The following PSG5 variants were observed in gnomAD, a reference collection of about 807,000 sequenced individuals.
The protein encoded by PSG5 is pregnancy-specific beta-1-glycoprotein 5.
PSG5 carries 53 observed loss-of-function variants against 37.7 expected under a neutral mutation model. The observed-to-expected ratio is 1.41, with a 90% CI of 1.13 to 1.77. The LOEUF (loss-of-function observed/expected upper bound fraction) is 1.77. Ranked by LOEUF, PSG5 falls within the 40% of genes most tolerant of loss-of-function variation. PSG5 has a pLI of 0.00. For missense variants in PSG5, 547 were observed against 405.2 expected (o/e 1.35, Z -3.00); for synonymous variants, 221 against 155.4 (o/e 1.42, Z -3.14).
intron 2 of PSG5, chr19:43,178,775 T>G (rs1969064829): frequency 1.2e-6 from 2 of 1,607,180 alleles, no homozygotes; most frequent in African/African-American, 2.7e-5. Context: ...TGTCCAGGGG[T>G]AAAGGTCTCT....
intron 2 of PSG5, among the ~76,000 whole-genome samples, chr19:43,179,956 T>C (rs1201167876): frequency 6.6e-6 from 1 of 151,740 alleles, no homozygotes; most frequent in Non-Finnish European, 1.5e-5. Flanking sequence ...GAAATACATG[T>C]GGATGTTTGC....
At chr19:43,184,075 T>A (rs1314448759) in intron 2 of PSG5, among the ~76,000 whole-genome samples, 1 of 151,748 alleles carries the variant, frequency 6.6e-6, no homozygotes, top group East Asian at 1.9e-4. Context: ...CAGGTACATC[T>A]TCTCCCTTCT....
chr19:43,179,360 T>A (rs527465794), intron 2 of PSG5, among the ~76,000 whole-genome samples: 1 of 151,536 alleles, frequency 6.6e-6, no homozygotes, highest in Non-Finnish European at 1.5e-5. Context: ...GTGGGAGAAG[T>A]ACAGGCTTTC....
intron 2 of PSG5, among the ~76,000 whole-genome samples, chr19:43,180,035 T>C (rs1969095043): frequency 6.6e-6 from 1 of 151,714 alleles, no homozygotes; most frequent in South Asian, 2.1e-4. Flanking sequence ...TCATGGACCA[T>C]ATGTGTTTGG....
In PSG5 at chr19:43,175,592, C is replaced by G. The variant is rs969987755; in HGVS notation, c.710-123G>C. The G allele has an allele frequency of 2.1e-5, 30 of 1,455,260 alleles. 4 individuals carry two copies. In the African/African-American group the frequency reaches 4.3e-4, roughly 21 times the overall value. 90.1% of individuals were successfully genotyped at this position (1,455,260 alleles called of 1,614,324 possible). On this transcript the variant is annotated intron_variant, in intron 3 of 5. Coordinates refer to ENST00000342951, the MANE Select transcript of PSG5 (RefSeq NM_002781.4). Reference sequence around the variant, plus strand: ...CACCCTCAAGTCCCAGCCGAACCCCCACTATATTCACTGAGCCAAAGCCTG... The same window carrying G: ...CACCCTCAAGTCCCAGCCGAACCCCGACTATATTCACTGAGCCAAAGCCTG...
intron 2 of PSG5, 21 bp downstream of exon 2, chr19:43,184,761 G>C (rs763920367): frequency 6.2e-7 from 1 of 1,611,768 alleles, no homozygotes; most frequent in East Asian, 2.2e-5. Context: ...CAACACCCAG[G>C]GATCATGTGG....
intron 2 of PSG5, chr19:43,183,175 GC>G (rs199639950): frequency 0.071 from 18,988 of 266,542 alleles, 1,014 homozygotes; most frequent in African/African-American, 0.1. Flanking sequence ...GGGACCAGCT[GC>G]CCCCAGTTCC....
At chr19:43,181,230 C>T (rs1388921721) in intron 2 of PSG5, among the ~76,000 whole-genome samples, 1 of 151,646 alleles carries the variant, frequency 6.6e-6, no homozygotes, top group Non-Finnish European at 1.5e-5. Flanking sequence ...TTACGTGTAT[C>T]TGACAGCCTT....
At position 43,186,503 on chromosome 19, in the gene PSG5, T is replaced by C. The variant is rs567440401; in HGVS notation, c.-98A>G. ...GGCTGTGCTGTCCTTCCTCCTTCTG[T>C]GCTGAGCCTCTCTCCAGGGCAGGAG... On this transcript the variant is annotated 5_prime_UTR_variant, in exon 1 of 6. Transcript: ENST00000342951. 53 of 1,562,494 alleles carry C rather than the reference T, an allele frequency of 3.4e-5. No individual in the cohort carries two copies. The highest frequency in any genetic ancestry group is 4.7e-5 in the South Asian group (4 of 84,892).
intron 2 of PSG5, chr19:43,179,301 G>T: frequency 1.6e-6 from 2 of 1,216,302 alleles, no homozygotes; most frequent in South Asian, 1.5e-5. Flanking sequence ...TTACAAGACA[G>T]ATGCATGGCA....
intron 4 of PSG5, chr19:43,171,022 G>T (rs1029879582): frequency 6.6e-6 from 1 of 151,256 alleles, no homozygotes; most frequent in Non-Finnish European, 1.5e-5. Context: ...ACTGTTGAGG[G>T]GCATTTCCTA....
chr19:43,179,455 C>T (rs866070071), intron 2 of PSG5, among the ~76,000 whole-genome samples: 4 of 151,662 alleles, frequency 2.6e-5, no homozygotes, highest in African/African-American at 7.3e-5. Context: ...TGAGTTCCTC[C>T]GACTAAAACT....
Position 43,182,265 on chromosome 19 carries a change from T to C in PSG5, c.430+2517A>G, listed in dbSNP as rs925865557. 2.6e-5 allele frequency among the ~76,000 whole-genome samples: 4 copies of C among 151,802 alleles called. 1 individual carries two copies. The highest frequency in any genetic ancestry group is 9.7e-5 in the African/African-American group (4 of 41,232). ...GAGGGAACTGAATTCTGCTAAAATG[T>C]TGGCACAGTTTCTATAATTCCTGAC... On this transcript the variant is annotated intron_variant, in intron 2 of 5. Transcript: ENST00000342951.
rs56753814 is a variant in PSG5, at chr19:43,176,502, G to T, written c.431-354C>A. On this transcript the variant is annotated intron_variant, in intron 2 of 5. Transcript: ENST00000342951. The stretch of plus-strand genomic sequence containing the variant: ...GGTTCCTTACCTGGAATGTGCAACT[G>T]CTGGGCCCCTTCCAAATTCCATCCT... Among the ~76,000 whole-genome samples the T allele has an allele frequency of 5.0e-4, 76 of 151,666 alleles. 1 individual carries two copies. The highest frequency in any genetic ancestry group is 1.7e-3 in the African/African-American group (71 of 41,206).
rs111533954 is a variant in PSG5 at position 43,184,662 on chromosome 19, G to A, written c.430+120C>T. Reference sequence around the variant, plus strand: ...GTGTCCTGCACTAAATGCCCAAACCGCAGCATGGGACATAATGCAGAGAGG... The same window carrying A: ...GTGTCCTGCACTAAATGCCCAAACCACAGCATGGGACATAATGCAGAGAGG... On this transcript the variant is annotated intron_variant, in intron 2 of 5. Transcript: ENST00000342951. 9.7e-5 allele frequency: 150 copies of A among 1,554,252 alleles called. 1 individual carries two copies. In the African/African-American group the frequency reaches 1.4e-3, roughly 14 times the overall value.
Position 43,171,855 on chromosome 19 carries a change from A to C in PSG5, c.965-1717T>G, listed in dbSNP as rs140208810. ...GGCATGTTGACATGAACCTGTAGTC[A>C]TAGCATCTTGGGAGGCTGAAGAAGG... On this transcript the variant is annotated intron_variant, in intron 4 of 5. Coordinates refer to ENST00000342951, the MANE Select transcript of PSG5 (RefSeq NM_002781.4). 4.9e-3 allele frequency among the ~76,000 whole-genome samples: 737 copies of C among 151,130 alleles called. 16 individuals carry two copies. Among genetic ancestry groups the C allele is most frequent in the African/African-American group, 0.016 (669 of 41,012 alleles).
intron 4 of PSG5, among the ~76,000 whole-genome samples, chr19:43,171,771 C>G (rs1372993258): frequency 6.6e-6 from 1 of 151,176 alleles, no homozygotes; most frequent in Non-Finnish European, 1.5e-5. Context: ...GTGTTTGGAC[C>G]AGCATGGGTA....
At position 43,186,510 on chromosome 19, in the gene PSG5, C is replaced by G. The variant is rs931037806; in HGVS notation, c.-105G>C. On this transcript the variant is annotated 5_prime_UTR_variant, in exon 1 of 6. Coordinates refer to ENST00000342951, the MANE Select transcript of PSG5 (RefSeq NM_002781.4). ...CTGTCCTTCCTCCTTCTGTGCTGAG[C>G]CTCTCTCCAGGGCAGGAGCACTTCT... 9 of 1,548,984 alleles carry G rather than the reference C, an allele frequency of 5.8e-6. No homozygotes were observed. The Admixed American group carries it at 1.1e-4, about 19-fold the overall frequency.
intron 2 of PSG5, 78 bp from the exon 3 acceptor site, chr19:43,176,226 C>T: frequency 6.4e-6 from 10 of 1,571,430 alleles, no homozygotes; most frequent in Non-Finnish European, 7.8e-6. Context: ...TCAGAGTTGG[C>T]ATCTCCCACC....
Sources: allele counts gnomAD v4.1 joint callset (sites outside exome capture counted in the v4.1 genomes callset), GRCh38; gene constraint gnomAD v4.1.1; transcripts MANE v1.5; gene names NCBI Gene and HGNC (gene_info 2026-07-23, HGNC 2026-07-21).